Variants in RBBP7 observed in about 807,000 individuals in gnomAD.
The protein encoded by RBBP7 is RB binding protein 7, chromatin remodeling factor, also known as histone-binding protein RBBP7.
A neutral mutation model predicts 35.2 loss-of-function variants in RBBP7; 5 were observed. That is an observed-to-expected ratio of 0.14 (90% CI 0.07 to 0.30). The LOEUF (loss-of-function observed/expected upper bound fraction) is 0.30, where lower values mean the gene tolerates loss of function less well. RBBP7 is among the 10% of genes least tolerant of loss of function. The pLI, the probability that RBBP7 is intolerant of heterozygous loss-of-function variation, is 1.00. For synonymous variants in RBBP7, 140 were observed against 118.7 expected, an observed-to-expected ratio of 1.18 and a Z score of -1.17; for missense variants, 155 against 327.5, an observed-to-expected ratio of 0.47 and a Z score of 4.07.
intron 10 of RBBP7, chrX:16,847,831 G>A (rs759981107): frequency 9.1e-6 from 1 of 110,215 alleles, no homozygotes; most frequent in African/African-American, 3.3e-5. Context: ...CTCCCAAAGT[G>A]CTGGGATTCC....
intron 2 of RBBP7, among the ~76,000 whole-genome samples, chrX:16,864,535 A>G (rs1227018309): frequency 1.1e-5 from 1 of 90,469 alleles, no homozygotes; most frequent in Admixed American, 1.4e-4. Flanking sequence ...CCAAAAAAAA[A>G]AAAAAAAAAA....
chrX:16,846,205 C>CA, intron 10 of RBBP7: 1 of 239,993 alleles, frequency 4.2e-6, no homozygotes, highest in Non-Finnish European at 7.1e-6. Flanking sequence ...GATGCTTTAT[C>CA]CATGAGCCTA....
intron 3 of RBBP7, among the ~76,000 whole-genome samples, chrX:16,860,687 A>AG (rs1930452930): frequency 1.9e-5 from 2 of 107,414 alleles, no homozygotes; most frequent in African/African-American, 6.9e-5. Flanking sequence ...AAAAAAAAGA[A>AG]AAAAAAAAAG....
At chrX:16,857,069 A>C (rs1245896998) in intron 5 of RBBP7, among the ~76,000 whole-genome samples, 1 of 111,461 alleles carries the variant, frequency 9.0e-6, no homozygotes, top group Non-Finnish European at 1.9e-5. Flanking sequence ...CATTTACATG[A>C]AATACCAAGA....
At chrX:16,869,671 A>C (rs1476756600) in intron 1 of RBBP7, 1 of 1,079,011 alleles carries the variant, frequency 9.3e-7, no homozygotes, top group South Asian at 2.6e-5. Flanking sequence ...ACCCCCGGAC[A>C]AGGGCCGCGA....
rs889772001 is a variant in RBBP7, at chrX:16,861,692, A to G, written c.307+1263T>C. Among the ~76,000 whole-genome samples the G allele has an allele frequency of 2.7e-5, 3 of 111,625 alleles. No homozygotes were observed. In the Admixed American group the frequency reaches 2.9e-4, roughly 11 times the overall value. ...AAAAAAACCCTAAGGCACATATTAG[A>G]AAGTGCTAATAGCGTTAAGCCATTT... On this transcript the variant is annotated intron_variant, in intron 3 of 11. Coordinates refer to ENST00000380087, the MANE Select transcript of RBBP7 (RefSeq NM_002893.4).
Position 16,852,633 on chromosome X carries a change from A to G in RBBP7, c.886-5T>C. The G allele has an allele frequency of 8.3e-7, 1 of 1,209,444 alleles. No homozygotes were observed. The highest frequency in any genetic ancestry group is 1.1e-6 in the Non-Finnish European group (1 of 894,358). Reference sequence around the variant, plus strand: ...CAGATCCCATAAAGCTACGGTCTAAAGAAAAATAACAAGTGAAAATGATTT... The same window carrying G: ...CAGATCCCATAAAGCTACGGTCTAAGGAAAAATAACAAGTGAAAATGATTT... On this transcript the variant is annotated splice_region_variant and splice_polypyrimidine_tract_variant and intron_variant, in intron 7 of 11. Coordinates refer to ENST00000380087, the MANE Select transcript of RBBP7 (RefSeq NM_002893.4).
In RBBP7 at chrX:16,869,413, T is replaced by G; in HGVS notation, c.17-193A>C. 7 of 1,098,891 alleles carry G rather than the reference T, an allele frequency of 6.4e-6. No homozygotes were observed. In the South Asian group the frequency reaches 1.5e-4, roughly 24 times the overall value. 90.6% of individuals were successfully genotyped at this position (1,098,891 alleles called of 1,213,427 possible). ...AGGAAGCCTATTTTTTCCATTGAGA[T>G]CAATACCCCCTGCGTACACCATGTT... is the stretch of plus-strand genomic sequence containing the variant. On this transcript the variant is annotated intron_variant, in intron 1 of 11. Transcript: ENST00000380087.
Position 16,852,550 on chromosome X carries a change from C to T in RBBP7, c.963+1G>A. 1 of 1,209,873 alleles carries T rather than the reference C, an allele frequency of 8.3e-7. No individual in the cohort carries two copies. The highest frequency in any genetic ancestry group is 1.1e-6 in the Non-Finnish European group (1 of 893,961). ...ACAGACACCAGAAAACTGTCACATA[C>T]CTGGAAAATTTCATCTTTATGAGAT... is the stretch of plus-strand genomic sequence containing the variant. On this transcript the variant is annotated splice_donor_variant, in intron 8 of 11. Transcript: ENST00000380087. LOFTEE classifies it high-confidence loss of function.
intron 4 of RBBP7, 78 bp downstream of exon 4, chrX:16,858,598 C>T: frequency 8.8e-7 from 1 of 1,138,848 alleles, no homozygotes. Context: ...ATAAAGTATG[C>T]TACTTTGACC....
chrX:16,855,070 G>A, intron 5 of RBBP7, among the ~76,000 whole-genome samples: 1 of 91,314 alleles, frequency 1.1e-5, no homozygotes, highest in African/African-American at 4.2e-5. Flanking sequence ...TTTTTTTTGA[G>A]ACGGAGTCTC....
chrX:16,861,852 A>T (rs1473012818), intron 3 of RBBP7, among the ~76,000 whole-genome samples: 1 of 111,636 alleles, frequency 9.0e-6, no homozygotes, highest in East Asian at 2.8e-4. Flanking sequence ...TCTGTCACTG[A>T]TGAACTGATG....
intron 5 of RBBP7, among the ~76,000 whole-genome samples, chrX:16,856,339 G>A (rs1930351480): frequency 1.8e-5 from 2 of 111,220 alleles, no homozygotes; most frequent in Admixed American, 1.9e-4. Context: ...AGACCAGCAT[G>A]GCCAACATGG....
Position 16,849,303 on chromosome X carries a change from TG to T in RBBP7, c.1041-3del. The T allele has an allele frequency of 3.3e-6, 4 of 1,207,508 alleles. No individual in the cohort carries two copies. The highest frequency in any genetic ancestry group is 4.5e-6 in the Non-Finnish European group (4 of 892,240). ...GCTGATTGTTCTTCCCCAATTTTAC[TG>T]TAAGAATAAAGAATATAACGCTTTC... On this transcript the variant is annotated splice_region_variant and splice_polypyrimidine_tract_variant and intron_variant, in intron 9 of 11. Coordinates refer to ENST00000380087, the MANE Select transcript of RBBP7 (RefSeq NM_002893.4).
intron 3 of RBBP7, 145 bp from the exon 4 acceptor site, chrX:16,858,994 C>A (rs1930409255): frequency 1.1e-6 from 1 of 891,801 alleles, no homozygotes; most frequent in Non-Finnish European, 1.5e-6. Flanking sequence ...ATAGAGAAAA[C>A]CCAAAAATGT....
chrX:16,854,627 A>C (rs773551687), intron 5 of RBBP7, among the ~76,000 whole-genome samples: 48 of 110,780 alleles, frequency 4.3e-4, no homozygotes, highest in African/African-American at 1.6e-3. Context: ...ACCACCACAG[A>C]CATCAGGAGA....
chrX:16,858,640 C>T (rs745568984), intron 4 of RBBP7, 36 bp downstream of exon 4: 4 of 1,187,627 alleles, frequency 3.4e-6, no homozygotes, highest in East Asian at 3.0e-5. Flanking sequence ...ATCAAGAAAA[C>T]TGCTCAAGTA....
At position 16,849,324 on chromosome X, in the gene RBBP7, G is replaced by A. The variant is rs376535809; in HGVS notation, c.1041-23C>T. 6.8e-5 allele frequency: 80 copies of A among 1,174,230 alleles called. No homozygotes were observed. The East Asian group carries it at 7.8e-4, about 11-fold the overall frequency. ...TTACTGTAAGAATAAAGAATATAAC[G>A]CTTTCATCAGTGAAATTCTTGTAGC... is the stretch of plus-strand genomic sequence containing the variant. On this transcript the variant is annotated intron_variant, in intron 9 of 11. Transcript: ENST00000380087.
intron 10 of RBBP7, 102 bp downstream of exon 10, chrX:16,849,142 G>C: frequency 1.3e-6 from 1 of 789,570 alleles, no homozygotes; most frequent in South Asian, 3.0e-5. Flanking sequence ...GAAACCATCT[G>C]CAAGAGCTAG....
Sources: allele counts gnomAD v4.1 joint callset (sites outside exome capture counted in the v4.1 genomes callset), GRCh38; gene constraint gnomAD v4.1.1; transcripts MANE v1.5; gene names NCBI Gene and HGNC (gene_info 2026-07-23, HGNC 2026-07-21).